The following AMN variants were observed in gnomAD, a reference collection of about 807,000 sequenced individuals.
AMN encodes protein amnionless.
AMN carries 40 observed loss-of-function variants against 49.1 expected under a neutral mutation model. That is an observed-to-expected ratio of 0.81 (90% CI 0.63 to 1.06). The LOEUF is 1.06. Ranked by LOEUF, AMN falls within the 50% of genes least tolerant of loss-of-function variation. The probability of loss-of-function intolerance (pLI) is 0.00; values close to 1 mark genes in which losing one functional copy is unlikely to be tolerated. For missense variants in AMN, 701 were observed against 662.8 expected, an observed-to-expected ratio of 1.06 and a Z score of -0.63; for synonymous variants, 380 against 313.3, an observed-to-expected ratio of 1.21 and a Z score of -2.25.
chr14:102,926,716 A>G (rs1275854028), intron 3 of AMN, among the ~76,000 whole-genome samples: 1 of 150,650 alleles, frequency 6.6e-6, no homozygotes, highest in Non-Finnish European at 1.5e-5. Context: ...CCTCCCAAGT[A>G]GCTGAGACTA....
At chr14:102,926,257 G>C (rs1368073703) in intron 3 of AMN, among the ~76,000 whole-genome samples, 1 of 152,216 alleles carries the variant, frequency 6.6e-6, no homozygotes, top group African/African-American at 2.4e-5. Context: ...TGTACCTATG[G>C]GGCACGTGCA....
In AMN at chr14:102,930,397, C is replaced by G; in HGVS notation, c.1170-9C>G. The G allele has an allele frequency of 2.0e-6, 3 of 1,509,832 alleles. No homozygotes were observed. Among genetic ancestry groups the G allele is most frequent in the Non-Finnish European group, 2.6e-6 (3 of 1,135,710 alleles). 93.5% of individuals were successfully genotyped at this position (1,509,832 alleles called of 1,614,324 possible). A position where few individuals can be genotyped will look rare whatever the true frequency, so the allele number is the denominator to read the frequency against. On this transcript the variant is annotated splice_polypyrimidine_tract_variant and intron_variant, in intron 10 of 11. Transcript: ENST00000299155. ...AGGGGCTCACGCTGCGTCCCCGCTA[C>G]GCCCTCAGGTGGAGGAGGCACGAGG... is the stretch of plus-strand genomic sequence containing the variant.
chr14:102,928,416 T>C lies in AMN; in HGVS notation c.208-10T>C, dbSNP rs115851517. On this transcript the variant is annotated splice_polypyrimidine_tract_variant and intron_variant, in intron 3 of 11. Transcript: ENST00000299155. ...CCGCGTGGCGCCGCCTCAGCCCGTG[T>C]CTCTTGCAGCTCCTGCCGCTGGATG... 6.1e-4 allele frequency: 976 copies of C among 1,590,388 alleles called. 4 individuals are homozygous for C. The African/African-American group carries it at 0.011, about 19-fold the overall frequency.
Position 102,928,800 on chromosome 14 carries a change from A to G in AMN, c.338A>G (p.His113Arg). The G allele has an allele frequency of 6.2e-7, 1 of 1,608,392 alleles. No individual in the cohort carries two copies. The highest frequency in any genetic ancestry group is 1.1e-5 in the South Asian group (1 of 91,068). The change falls in exon 5 of 12, where the codon CAT becomes CGT. Residue 113 changes from histidine (H) to arginine (R), a missense_variant. By Grantham distance (29) the His-to-Arg change is conservative (BLOSUM62 0). Coordinates refer to ENST00000299155, the MANE Select transcript of AMN (RefSeq NM_030943.4). ...VFRDSDRFSW[H>R]DPHLWRSGDE... ...CGCGACTCTGACCGCTTCTCCTGGC[A>G]TGACCCGCACCTGTGGCGCTCTGGG... is the stretch of plus-strand genomic sequence containing the variant.
intron 1 of AMN, 73 bp from the exon 2 acceptor site, chr14:102,923,638 C>T: frequency 7.3e-7 from 1 of 1,363,942 alleles, no homozygotes; most frequent in East Asian, 2.3e-5. Context: ...CCGCACTTCT[C>T]TGGGTGGGTG....
At position 102,930,396 on chromosome 14, in the gene AMN, A is replaced by G. The variant is rs1186805710; in HGVS notation, c.1170-10A>G. ...GAGGGGCTCACGCTGCGTCCCCGCT[A>G]CGCCCTCAGGTGGAGGAGGCACGAG... is the stretch of plus-strand genomic sequence containing the variant. On this transcript the variant is annotated splice_polypyrimidine_tract_variant and intron_variant, in intron 10 of 11. Coordinates refer to ENST00000299155, the MANE Select transcript of AMN (RefSeq NM_030943.4). 10 of 1,509,070 alleles carry G rather than the reference A, an allele frequency of 6.6e-6. No individual in the cohort carries two copies. In the Admixed American group the frequency reaches 2.1e-4, roughly 31 times the overall value. 93.5% of individuals were successfully genotyped at this position (1,509,070 alleles called of 1,614,324 possible).
intron 1 of AMN, chr14:102,922,991 G>A (rs1595429881): frequency 3.9e-6 from 2 of 510,752 alleles, no homozygotes; most frequent in Non-Finnish European, 6.8e-6. Context: ...GCCTCCGGCG[G>A]CTCCTGCCCT....
In AMN at chr14:102,930,762, GCC is replaced by G; in HGVS notation, c.*86_*87del. 1 of 1,431,956 alleles carries G rather than the reference GCC, an allele frequency of 7.0e-7. No homozygotes were observed. The highest frequency in any genetic ancestry group is 9.5e-7 in the Non-Finnish European group (1 of 1,049,430). 88.7% of individuals were successfully genotyped at this position (1,431,956 alleles called of 1,614,324 possible). On this transcript the variant is annotated 3_prime_UTR_variant, in exon 12 of 12. Coordinates refer to ENST00000299155, the MANE Select transcript of AMN (RefSeq NM_030943.4). ...TGGGGGCTAGCCACCTCCTCGTCCA[GCC>G]CCCAAACCTCCCCTTCCTTTCCCCC...
intron 4 of AMN, 106 bp downstream of exon 4, chr14:102,928,619 G>C (rs1203946641): frequency 6.7e-7 from 1 of 1,493,206 alleles, no homozygotes; most frequent in Non-Finnish European, 9.0e-7. Context: ...GGGCGCCTCC[G>C]GGGGCGTGGT....
In AMN at chr14:102,930,099, G is replaced by C. The variant is rs758007889; in HGVS notation, c.1006+13G>C. On this transcript the variant is annotated intron_variant, in intron 9 of 11. Coordinates refer to ENST00000299155, the MANE Select transcript of AMN (RefSeq NM_030943.4). ...GTCGCCGAGAACGGTAACCGCGCCC[G>C]CCCCATCCCGCCCCGCCGCGCCTCG... 5 of 1,515,424 alleles carry C rather than the reference G, an allele frequency of 3.3e-6. No homozygotes were observed. The highest frequency in any genetic ancestry group is 4.4e-6 in the Non-Finnish European group (5 of 1,135,812). The allele number at this position is 1,515,424 out of a possible 1,614,324, so 93.9% of individuals were successfully genotyped here. A position where few individuals can be genotyped will look rare whatever the true frequency, so the allele number is the denominator to read the frequency against.
At chr14:102,929,376 C>T (rs939893197) in intron 6 of AMN, 52 bp from the exon 7 acceptor site, 106 of 1,517,532 alleles carry the variant, frequency 7.0e-5, no homozygotes, top group Admixed American at 2.3e-4. Context: ...CATCGCCCTT[C>T]TCGCTGCGGT....
At chr14:102,930,842 AC>A, downstream of AMN, 1 of 803,914 alleles carries the variant, frequency 1.2e-6, no homozygotes, top group Non-Finnish European at 2.0e-6. Context: ...TGTTTCCTGC[AC>A]CTGCTGTCAG....
At chr14:102,922,990 G>A in intron 1 of AMN, 1 of 515,812 alleles carries the variant, frequency 1.9e-6, no homozygotes, top group Admixed American at 3.6e-5. Flanking sequence ...GGCCTCCGGC[G>A]GCTCCTGCCC....
In AMN at chr14:102,923,940, G is replaced by A; in HGVS notation, c.168G>A (p.Val56=). The change falls in exon 3 of 12, where the codon GTG becomes GTA. Residue 56 remains valine, a synonymous_variant. Coordinates refer to ENST00000299155, the MANE Select transcript of AMN (RefSeq NM_030943.4). ...GAGGCAGCTTCTTCCTGCAGATGGT[G>A]TCAGTCCTGGTGCAAGAAGGTCACG... The part of the protein sequence containing the change: ...GAVEFPADKM[V]SVLVQEGHAV... 1 of 1,613,248 alleles carries A rather than the reference G, an allele frequency of 6.2e-7. No homozygotes were observed. The highest frequency in any genetic ancestry group is 1.7e-5 in the Admixed American group (1 of 60,034).
At chr14:102,923,587 G>C in intron 1 of AMN, 124 bp from the exon 2 acceptor site, 1 of 926,276 alleles carries the variant, frequency 1.1e-6, no homozygotes, top group South Asian at 1.3e-5. Context: ...GGCCCCCGGG[G>C]ATGGGGTTCC....
At chr14:102,929,099 G>A (rs1204323964) in intron 5 of AMN, 22 bp from the exon 6 acceptor site, 3 of 1,597,656 alleles carry the variant, frequency 1.9e-6, no homozygotes, top group Non-Finnish European at 2.5e-6. Context: ...GCTGGCTCCG[G>A]TGGGGACCCG....
In AMN at chr14:102,929,995, G is replaced by A. The variant is rs773444418; in HGVS notation, c.915G>A (p.Thr305=). 5 of 1,562,032 alleles carry A rather than the reference G, an allele frequency of 3.2e-6. No individual in the cohort carries two copies. Among genetic ancestry groups the A allele is most frequent in the Non-Finnish European group, 3.5e-6 (4 of 1,154,180 alleles). Residue 305 remains threonine (T), a synonymous_variant, in exon 9 of 12, where the codon ACG becomes ACA. Transcript: ENST00000299155. ...PRSSRLREAD[T]EIQVVLVENG... ...CGTCCCGGCTCCGTGAGGCCGATAC[G>A]GAGATCCAGGTGGTGCTGGTGGAGA... is the stretch of plus-strand genomic sequence containing the variant.
intron 3 of AMN, 106 bp from the exon 4 acceptor site, chr14:102,928,320 C>T: frequency 1.9e-6 from 2 of 1,058,902 alleles, no homozygotes; most frequent in Non-Finnish European, 2.8e-6. Flanking sequence ...CGGGCTCCTT[C>T]CGTGCACAGG....
intron 3 of AMN, among the ~76,000 whole-genome samples, chr14:102,925,521 A>ACCTT (rs1891165994): frequency 6.6e-6 from 1 of 152,040 alleles, no homozygotes; most frequent in South Asian, 2.1e-4. Flanking sequence ...CCCACGCATA[A>ACCTT]CCTTGGCAAC....
Sources: gnomAD v4.1 joint callset for allele counts (sites outside exome capture counted in the v4.1 genomes callset) on GRCh38, gnomAD v4.1.1 for gene constraint, MANE v1.5 for transcripts, NCBI Gene and HGNC (gene_info 2026-07-23, HGNC 2026-07-21) for gene names.